EYS: variants seen among roughly 807,000 people sequenced by gnomAD.
The protein encoded by EYS is EGF-like photoreceptor maintenance factor, also known as protein eyes shut homolog.
In EYS, 250 loss-of-function variants were observed where a neutral mutation model predicts 282.1. That is an observed-to-expected ratio of 0.89 (90% confidence interval 0.80 to 0.98). The LOEUF (loss-of-function observed/expected upper bound fraction) is 0.98. Among genes scored for constraint, EYS ranks in the 50% least tolerant of loss-of-function variants. EYS has a pLI of 0.00. For missense variants in EYS, 4,016 were observed against 3,709.0 expected, an observed-to-expected ratio of 1.08 and a Z score of -2.15; for synonymous variants, 1,355 against 1,282.9, an observed-to-expected ratio of 1.06 and a Z score of -1.20.
chr6:63,754,591 T>C (rs1769428881), intron 41 of EYS, among the ~76,000 whole-genome samples: 1 of 152,206 alleles, frequency 6.6e-6, no homozygotes, highest in South Asian at 2.1e-4. Flanking sequence ...CAGTCTATCA[T>C]TGATGGGCAT....
chr6:63,970,999 C>T (rs1209997084), intron 35 of EYS, among the ~76,000 whole-genome samples: 3 of 152,136 alleles, frequency 2.0e-5, no homozygotes, highest in Admixed American at 6.5e-5. Flanking sequence ...ATTAAGATTG[C>T]TGGGTTGGAT....
chr6:65,080,627 G>C (rs977603799), intron 12 of EYS, among the ~76,000 whole-genome samples: 6 of 151,870 alleles, frequency 4.0e-5, no homozygotes. Flanking sequence ...AGGCAATTTT[G>C]AATTGATTTG....
chr6:64,066,207 G>T, intron 33 of EYS, 131 bp downstream of exon 33: 1 of 700,028 alleles, frequency 1.4e-6, no homozygotes. Flanking sequence ...GAACCCGGGA[G>T]GCGGAGGTTG....
At chr6:64,657,715 G>GA (rs1318987651) in intron 22 of EYS, among the ~76,000 whole-genome samples, 1 of 152,110 alleles carries the variant, frequency 6.6e-6, no homozygotes, top group African/African-American at 2.4e-5. Flanking sequence ...AGTTTCTGCC[G>GA]AGAGATCAGC....
chr6:65,119,582 C>T (rs556893203), intron 12 of EYS, among the ~76,000 whole-genome samples: 14 of 150,752 alleles, frequency 9.3e-5, no homozygotes, highest in Non-Finnish European at 1.9e-4. Flanking sequence ...GGGTTTGCCA[C>T]ACTCTGGTAA....
chr6:64,811,976 A>G (rs1764610503), intron 22 of EYS, among the ~76,000 whole-genome samples: 1 of 152,122 alleles, frequency 6.6e-6, no homozygotes, highest in African/African-American at 2.4e-5. Flanking sequence ...TTTTTATTGA[A>G]CAAAATGTAT....
chr6:63,831,950 C>G (rs956963034), intron 36 of EYS, among the ~76,000 whole-genome samples: 4 of 152,104 alleles, frequency 2.6e-5, no homozygotes, highest in African/African-American at 4.8e-5. Flanking sequence ...ACTGAACAAC[C>G]TGCTCCTGAA....
chr6:64,544,744 T>C (rs1256072898), intron 26 of EYS, among the ~76,000 whole-genome samples: 2 of 152,068 alleles, frequency 1.3e-5, no homozygotes, highest in Non-Finnish European at 2.9e-5. Flanking sequence ...TATAAAAACC[T>C]CTATGCAAAT....
chr6:64,948,232 G>T (rs2150097630), intron 14 of EYS, among the ~76,000 whole-genome samples: 1 of 151,248 alleles, frequency 6.6e-6, no homozygotes, highest in African/African-American at 2.4e-5. Flanking sequence ...GAGAACAAAA[G>T]TGCATAGCAA....
chr6:65,673,999 T>C (rs901754764), intron 1 of EYS, among the ~76,000 whole-genome samples: 11 of 151,880 alleles, frequency 7.2e-5, no homozygotes, highest in African/African-American at 2.4e-4. Context: ...CACAGAAATT[T>C]TGAAACTAAA....
At chr6:64,921,740 C>A (rs1445687862) in intron 15 of EYS, among the ~76,000 whole-genome samples, 1 of 152,064 alleles carries the variant, frequency 6.6e-6, no homozygotes, top group Non-Finnish European at 1.5e-5. Context: ...CTCAATGTGA[C>A]AAAGAAAATT....
chr6:64,221,500 T>C (rs931344409), intron 31 of EYS, among the ~76,000 whole-genome samples: 1 of 152,150 alleles, frequency 6.6e-6, no homozygotes, highest in Non-Finnish European at 1.5e-5. Flanking sequence ...CTATGAACCA[T>C]TAAATTTCTG....
intron 30 of EYS, among the ~76,000 whole-genome samples, chr6:64,253,499 A>G (rs1767289427): frequency 1.3e-5 from 2 of 152,176 alleles, no homozygotes; most frequent in South Asian, 4.1e-4. Context: ...TACTATAGTT[A>G]TCGTCGTGGG....
At chr6:63,949,901 C>T (rs1277461522) in intron 35 of EYS, among the ~76,000 whole-genome samples, 3 of 152,068 alleles carry the variant, frequency 2.0e-5, no homozygotes, top group Middle Eastern at 3.2e-3. Context: ...TGGCCAGGCG[C>T]GGTGTCTCAC....
chr6:64,278,203 TAAAG>T (rs1427398200), intron 30 of EYS, among the ~76,000 whole-genome samples: 1 of 152,144 alleles, frequency 6.6e-6, no homozygotes, highest in Non-Finnish European at 1.5e-5. Context: ...AAAGATATCT[TAAAG>T]AACATTTCTG....
intron 24 of EYS, among the ~76,000 whole-genome samples, chr6:64,602,481 C>T (rs761607072): frequency 6.6e-6 from 1 of 152,018 alleles, no homozygotes; most frequent in Non-Finnish European, 1.5e-5. Context: ...ATAAGGGCCA[C>T]ATCATGTGAA....
At position 64,912,671 on chromosome 6, in the gene EYS, G is replaced by T. The variant is rs1180668984; in HGVS notation, c.2454C>A (p.Cys818Ter). ...ATTCATGACAAAGACCTCCATTCAT[G>T]CATGGATCAGAGTCGCATTCATTTA... Reference protein sequence around the residue: ...EEINECDSDPCMNGGLCHEST... With the variant: ...EEINECDSDP Residue 818 changes from cysteine to a stop codon, truncating the protein, a stop_gained, in exon 16 of 43, where the codon TGC becomes TGA. Coordinates refer to ENST00000503581, the MANE Select transcript of EYS (RefSeq NM_001142800.2). LOFTEE classifies it high-confidence loss of function. 8 of 1,544,210 alleles carry T rather than the reference G, an allele frequency of 5.2e-6. No homozygotes were observed. The highest frequency in any genetic ancestry group is 6.1e-6 in the Non-Finnish European group (7 of 1,141,774).
intron 11 of EYS, among the ~76,000 whole-genome samples, chr6:65,320,683 C>T (rs1192157911): frequency 6.6e-6 from 1 of 152,210 alleles, no homozygotes; most frequent in African/African-American, 2.4e-5. Context: ...AGTTATAGTT[C>T]TGCCAGTAGA....
chr6:65,215,086 T>C lies in EYS; in HGVS notation c.2023+80777A>G, dbSNP rs148081477. ...TGTTTTCATCCCTGCTAACATAACA[T>C]TCATTCTGCAGTCCATAGAAAAAGG... On this transcript the variant is annotated intron_variant, in intron 12 of 42. Coordinates refer to ENST00000503581, the MANE Select transcript of EYS (RefSeq NM_001142800.2). Among the ~76,000 whole-genome samples, 83 of 152,290 alleles carry C rather than the reference T, an allele frequency of 5.5e-4. 1 individual carries two copies. The East Asian group carries it at 0.014, about 25-fold the overall frequency.
Sources: allele counts gnomAD v4.1 joint callset (sites outside exome capture counted in the v4.1 genomes callset), GRCh38; gene constraint gnomAD v4.1.1; transcripts MANE v1.5; gene names NCBI Gene and HGNC (gene_info 2026-07-23, HGNC 2026-07-21).